TMEM167B: variants seen among roughly 807,000 people sequenced by gnomAD.
The protein encoded by TMEM167B is transmembrane protein 167B, also known as protein kish-B.
A neutral mutation model predicts 9.4 loss-of-function variants in TMEM167B; 2 were observed. That is an observed-to-expected ratio of 0.21 (90% CI 0.09 to 0.67). TMEM167B has a LOEUF of 0.67. TMEM167B is among the 30% of genes least tolerant of loss of function. The pLI is 0.82. For synonymous variants in TMEM167B, 28 were observed against 32.0 expected (o/e 0.87, Z 0.42); for missense variants, 68 against 87.6 (o/e 0.78, Z 0.89).
In TMEM167B at chr1:109,092,944, C is replaced by T; in HGVS notation, c.65C>T (p.Ala22Val). ...VFGLLFVCTC[A>V]YFKKVPRLKT... ...GGTTTGCTCTTTGTTTGCACCTGTG[C>T]CTACTTCAAGAAAGTACCTCGTCTC... The change falls in exon 2 of 3, where the codon GCC becomes GTC. Residue 22 changes from alanine (A) to valine (V), a missense_variant. Coordinates refer to ENST00000338272, the MANE Select transcript of TMEM167B (RefSeq NM_020141.4). 2.5e-6 allele frequency: 4 copies of T among 1,614,122 alleles called. No homozygotes were observed. The highest frequency in any genetic ancestry group is 2.2e-5 in the East Asian group (1 of 44,874).
Position 109,093,251 on chromosome 1 carries a change from G to C in TMEM167B, c.142+230G>C, listed in dbSNP as rs774919726. 1.2e-5 allele frequency: 6 copies of C among 503,132 alleles called. No homozygotes were observed. In the Admixed American group the frequency reaches 1.8e-4, roughly 15 times the overall value. 31.2% of individuals were successfully genotyped at this position (503,132 alleles called of 1,614,324 possible). A position where few individuals can be genotyped will look rare whatever the true frequency, so the allele number is the denominator to read the frequency against. ...TCATGCCTATAATCTCAGCACTTTGGGGGGCCAAGGCAGGAGGATTGCTTG... is the reference window on the plus strand; with the variant it reads ...TCATGCCTATAATCTCAGCACTTTGCGGGGCCAAGGCAGGAGGATTGCTTG... On this transcript the variant is annotated intron_variant, in intron 2 of 2. Transcript: ENST00000338272.
intron 1 of TMEM167B, 150 bp downstream of exon 1, chr1:109,091,032 T>C: frequency 3.4e-6 from 3 of 890,880 alleles, no homozygotes; most frequent in Middle Eastern, 3.4e-4. Flanking sequence ...TGTACCCCTA[T>C]ACTCCTCTAC....
chr1:109,092,747 C>G (rs1189450550), intron 1 of TMEM167B, 143 bp from the exon 2 acceptor site: 2 of 938,892 alleles, frequency 2.1e-6, no homozygotes, highest in Admixed American at 4.8e-5. Flanking sequence ...TCCTGGCTCC[C>G]CCTTGTCAAG....
At position 109,095,857 on chromosome 1, in the gene TMEM167B, T is replaced by C. The variant is rs1664556290; in HGVS notation, c.*1358T>C. ...TTGGCAGGAAGACTTCTCCATTCCCTGCTTATATCTATGGAAGGATCAGCT... is the reference window on the plus strand; with the variant it reads ...TTGGCAGGAAGACTTCTCCATTCCCCGCTTATATCTATGGAAGGATCAGCT... On this transcript the variant is annotated 3_prime_UTR_variant, in exon 3 of 3. Transcript: ENST00000338272. 1.3e-5 allele frequency: 2 copies of C among 152,226 alleles called. No homozygotes were observed. The highest frequency in any genetic ancestry group is 4.8e-5 in the African/African-American group (2 of 41,460). The allele number at this position is 152,226 out of a possible 1,614,324, so 9.4% of individuals were successfully genotyped here.
At chr1:109,091,089 G>A (rs1664438500) in intron 1 of TMEM167B, among the ~76,000 whole-genome samples, 2 of 150,706 alleles carry the variant, frequency 1.3e-5, no homozygotes, top group South Asian at 4.2e-4. Context: ...TGCCTCTTAT[G>A]CTCACACCTC....
chr1:109,091,910 G>A (rs530315475), intron 1 of TMEM167B, among the ~76,000 whole-genome samples: 1 of 152,322 alleles, frequency 6.6e-6, no homozygotes, highest in Non-Finnish European at 1.5e-5. Flanking sequence ...TTCCTGGGAA[G>A]TCAGAGGTCT....
intron 1 of TMEM167B, among the ~76,000 whole-genome samples, chr1:109,091,254 G>A (rs1664443503): frequency 6.6e-6 from 1 of 152,190 alleles, no homozygotes; most frequent in Non-Finnish European, 1.5e-5. Flanking sequence ...CTTTCGGACC[G>A]TAGTTTTGTT....
In TMEM167B at chr1:109,095,357, AG is replaced by A. The variant is rs1476052663; in HGVS notation, c.*862del. 1 of 152,178 alleles carries A rather than the reference AG, an allele frequency of 6.6e-6. No homozygotes were observed. The highest frequency in any genetic ancestry group is 1.5e-5 in the Non-Finnish European group (1 of 68,030). 9.4% of individuals were successfully genotyped at this position (152,178 alleles called of 1,614,324 possible). ...TTACTCAGTTTTAAATGCCACGACT[AG>A]GGGAAAAAGAAACTATTGAAGAAAT... On this transcript the variant is annotated 3_prime_UTR_variant, in exon 3 of 3. Coordinates refer to ENST00000338272, the MANE Select transcript of TMEM167B (RefSeq NM_020141.4).
In TMEM167B at chr1:109,094,676, C is replaced by T. The variant is rs911594725; in HGVS notation, c.*177C>T. 6.5e-6 allele frequency: 4 copies of T among 616,224 alleles called. No homozygotes were observed. Among genetic ancestry groups the T allele is most frequent in the Non-Finnish European group, 8.6e-6 (3 of 349,406 alleles). 38.2% of individuals were successfully genotyped at this position (616,224 alleles called of 1,614,324 possible). ...CTCATGGTCACGAACATTATTTATG[C>T]TTCAGGGGACTACAGAAAGCCAGCT... On this transcript the variant is annotated 3_prime_UTR_variant, in exon 3 of 3. Transcript: ENST00000338272.
At chr1:109,092,580 AT>A (rs1378194191) in intron 1 of TMEM167B, among the ~76,000 whole-genome samples, 2 of 151,360 alleles carry the variant, frequency 1.3e-5, no homozygotes, top group Admixed American at 6.6e-5. Flanking sequence ...AAAAAAAAAA[AT>A]TTTTTTTTGA....
chr1:109,096,358 C>G lies in TMEM167B; in HGVS notation c.*1859C>G, dbSNP rs1394314945. On this transcript the variant is annotated 3_prime_UTR_variant, in exon 3 of 3. Transcript: ENST00000338272. ...CCTGTTGGCAGAAGGGAATGTCACTCCCTGGAAACAGGTTCAGCATGTTTG... is the reference window on the plus strand; with the variant it reads ...CCTGTTGGCAGAAGGGAATGTCACTGCCTGGAAACAGGTTCAGCATGTTTG... 6.6e-6 allele frequency: 1 copy of G among 152,154 alleles called. No homozygotes were observed. The highest frequency in any genetic ancestry group is 2.4e-5 in the African/African-American group (1 of 41,434). The allele number at this position is 152,154 out of a possible 1,614,324, so 9.4% of individuals were successfully genotyped here.
Position 109,094,490 on chromosome 1 carries a change from T to C in TMEM167B, c.216T>C (p.Phe72=). The C allele has an allele frequency of 6.2e-7, 1 of 1,613,930 alleles. No homozygotes were observed. Among genetic ancestry groups the C allele is most frequent in the Non-Finnish European group, 8.5e-7 (1 of 1,180,036 alleles). Residue 72 remains phenylalanine, a synonymous_variant, in exon 3 of 3, where the codon TTT becomes TTC. Coordinates refer to ENST00000338272, the MANE Select transcript of TMEM167B (RefSeq NM_020141.4). ...ACVVMAFYVL[F]IK ...TTGTAATGGCCTTTTACGTCCTGTTTATAAAATGAATTCCAAAGCACCCAA... is the reference window on the plus strand; with the variant it reads ...TTGTAATGGCCTTTTACGTCCTGTTCATAAAATGAATTCCAAAGCACCCAA...
At chr1:109,092,281 A>G (rs1477391060) in intron 1 of TMEM167B, among the ~76,000 whole-genome samples, 1 of 152,202 alleles carries the variant, frequency 6.6e-6, no homozygotes, top group Non-Finnish European at 1.5e-5. Context: ...AATTGTAGTC[A>G]TGTGGATTCT....
At chr1:109,092,025 T>C (rs1043741333) in intron 1 of TMEM167B, among the ~76,000 whole-genome samples, 8 of 152,246 alleles carry the variant, frequency 5.3e-5, no homozygotes, top group Non-Finnish European at 1.2e-4. Flanking sequence ...GAATAAATTT[T>C]AGTCATTCTT....
chr1:109,091,082 C>G (rs1393317226), intron 1 of TMEM167B, among the ~76,000 whole-genome samples, 200 bp downstream of exon 1: 1 of 152,118 alleles, frequency 6.6e-6, no homozygotes, highest in Non-Finnish European at 1.5e-5. Context: ...CCCCCAGTGC[C>G]TCTTATGCTC....
Position 109,094,399 on chromosome 1 carries a change from C to G in TMEM167B, c.143-18C>G, listed in dbSNP as rs1664520304. 1 of 1,613,658 alleles carries G rather than the reference C, an allele frequency of 6.2e-7. No individual in the cohort carries two copies. Among genetic ancestry groups the G allele is most frequent in the Admixed American group, 1.7e-5 (1 of 59,972 alleles). On this transcript the variant is annotated intron_variant, in intron 2 of 2. Coordinates refer to ENST00000338272, the MANE Select transcript of TMEM167B (RefSeq NM_020141.4). ...GGTGAAGGGCAGGGTGTGATTTCTT[C>G]TCTCTTTTGCCTGCTAGCCGCTGTG...
rs1664567952 is a variant in TMEM167B at position 109,096,233 on chromosome 1, A to C, written c.*1734A>C. ...TCCACAGGGTAAATTTCAACAATTC[A>C]TACGTTTTCCATTGTCATTTCTGAG... On this transcript the variant is annotated 3_prime_UTR_variant, in exon 3 of 3. Coordinates refer to ENST00000338272, the MANE Select transcript of TMEM167B (RefSeq NM_020141.4). The C allele has an allele frequency of 6.6e-6, 1 of 152,228 alleles. No homozygotes were observed. Among genetic ancestry groups the C allele is most frequent in the Non-Finnish European group, 1.5e-5 (1 of 68,052 alleles). The allele number at this position is 152,228 out of a possible 1,614,324, so 9.4% of individuals were successfully genotyped here.
In TMEM167B at chr1:109,096,837, G is replaced by A. The variant is rs1283153417; in HGVS notation, c.*2338G>A. 6.6e-6 allele frequency: 1 copy of A among 152,230 alleles called. No individual in the cohort carries two copies. Among genetic ancestry groups the A allele is most frequent in the East Asian group, 1.9e-4 (1 of 5,202 alleles). 9.4% of individuals were successfully genotyped at this position (152,230 alleles called of 1,614,324 possible). A position where few individuals can be genotyped will look rare whatever the true frequency, so the allele number is the denominator to read the frequency against. On this transcript the variant is annotated 3_prime_UTR_variant, in exon 3 of 3. Transcript: ENST00000338272. The stretch of plus-strand genomic sequence containing the variant: ...GCATCACCATAAACCCTGTAGGCCA[G>A]GGTGGAATGAAGTCAGCTCCTTTTT...
Position 109,095,913 on chromosome 1 carries a change from A to T in TMEM167B, c.*1414A>T, listed in dbSNP as rs1664559139. On this transcript the variant is annotated 3_prime_UTR_variant, in exon 3 of 3. Transcript: ENST00000338272. ...ATGTCTAGAACTTCTCTATTTAAAAAAAAAGAGTAGGTCTAAAATTAAATT... is the reference window on the plus strand; with the variant it reads ...ATGTCTAGAACTTCTCTATTTAAAATAAAAGAGTAGGTCTAAAATTAAATT... 1 of 152,234 alleles carries T rather than the reference A, an allele frequency of 6.6e-6. No individual in the cohort carries two copies. The highest frequency in any genetic ancestry group is 2.1e-4 in the South Asian group (1 of 4,838). 9.4% of individuals were successfully genotyped at this position (152,234 alleles called of 1,614,324 possible).
Sources: gnomAD v4.1 joint callset for allele counts (sites outside exome capture counted in the v4.1 genomes callset) on GRCh38, gnomAD v4.1.1 for gene constraint, MANE v1.5 for transcripts, NCBI Gene and HGNC (gene_info 2026-07-23, HGNC 2026-07-21) for gene names.